The following EWSR1 variants were observed in gnomAD, a reference collection of about 807,000 sequenced individuals.
EWSR1 encodes the protein EWS RNA binding protein 1, also known as RNA-binding protein EWS.
In EWSR1, 14 loss-of-function variants were observed where a neutral mutation model predicts 92.1. The observed-to-expected ratio is 0.15, with a 90% CI of 0.10 to 0.24. The LOEUF is 0.24. Ranked by LOEUF, EWSR1 falls within the 10% of genes least tolerant of loss-of-function variation. The pLI is 1.00. For missense variants in EWSR1, 637 were observed against 870.9 expected, an observed-to-expected ratio of 0.73 and a Z score of 3.38; for synonymous variants, 303 against 292.9, an observed-to-expected ratio of 1.03 and a Z score of -0.35.
intron 6 of EWSR1, among the ~76,000 whole-genome samples, chr22:29,283,664 TACA>T (rs1236541773): frequency 6.7e-6 from 1 of 150,314 alleles, no homozygotes; most frequent in Non-Finnish European, 1.5e-5. Context: ...TAGCTGGGAT[TACA>T]AGTGCTCACT....
intron 4 of EWSR1, 89 bp from the exon 5 acceptor site, chr22:29,277,936 TTAAAG>T: frequency 1.8e-6 from 2 of 1,128,494 alleles, no homozygotes; most frequent in East Asian, 2.5e-5. Context: ...TCCTGATGGT[TTAAAG>T]TAAGTGGTTT....
chr22:29,285,767 A>G (rs1443904088), intron 6 of EWSR1, among the ~76,000 whole-genome samples: 3 of 151,540 alleles, frequency 2.0e-5, no homozygotes, highest in African/African-American at 7.4e-5. Context: ...CCCCAAGTGC[A>G]TATTCTTGCC....
intron 5 of EWSR1, among the ~76,000 whole-genome samples, chr22:29,279,881 G>A (rs768685512): frequency 1.8e-4 from 27 of 152,202 alleles, no homozygotes; most frequent in Non-Finnish European, 3.7e-4. Context: ...GTATATCCAA[G>A]CCATATCTGG....
chr22:29,269,848 C>T (rs1408069073), intron 1 of EWSR1, among the ~76,000 whole-genome samples: 4 of 152,232 alleles, frequency 2.6e-5, no homozygotes, highest in Admixed American at 6.5e-5. Context: ...TTTTGCGTGG[C>T]TGGACGTGCC....
intron 11 of EWSR1, among the ~76,000 whole-genome samples, chr22:29,293,261 C>CA (rs1309602801): frequency 6.6e-6 from 1 of 152,186 alleles, no homozygotes; most frequent in Non-Finnish European, 1.5e-5. Flanking sequence ...CCACCTACCT[C>CA]AGCCTCCCAA....
In EWSR1 at chr22:29,268,288, A is replaced by AT; in HGVS notation, c.-49_-48insT. 1 of 1,607,832 alleles carries AT rather than the reference A, an allele frequency of 6.2e-7. No homozygotes were observed. The highest frequency in any genetic ancestry group is 8.5e-7 in the Non-Finnish European group (1 of 1,174,386). On this transcript the variant is annotated 5_prime_UTR_variant, in exon 1 of 17. Transcript: ENST00000397938. ...CCTGCGCAGTGCGGCGCCTAGAGGGAAAGCGAGAGGGAGACGGACGTTGAG... is the reference window on the plus strand; with the variant it reads ...CCTGCGCAGTGCGGCGCCTAGAGGGATAAGCGAGAGGGAGACGGACGTTGAG...
Position 29,296,274 on chromosome 22 carries a change from C to T in EWSR1, c.1200C>T (p.Ile400=). Residue 400 remains isoleucine (I), a synonymous_variant, in exon 12 of 17, where the codon ATC becomes ATT. Coordinates refer to ENST00000397938, the MANE Select transcript of EWSR1 (RefSeq NM_005243.4). ...NKRTGQPMIH[I]YLDKETGKPK... ...GAACTGGGCAACCCATGATCCACAT[C>T]TACCTGGACAAGGAAACAGGAAAGC... 6.2e-7 allele frequency: 1 copy of T among 1,614,182 alleles called. No individual in the cohort carries two copies. Among genetic ancestry groups the T allele is most frequent in the Non-Finnish European group, 8.5e-7 (1 of 1,180,018 alleles).
intron 11 of EWSR1, among the ~76,000 whole-genome samples, chr22:29,295,222 C>A (rs1324851676): frequency 2.0e-4 from 31 of 151,934 alleles, no homozygotes. Flanking sequence ...AAAAAGACTG[C>A]TTTTTAATAT....
At chr22:29,276,122 C>T in intron 4 of EWSR1, 2 of 231,722 alleles carry the variant, frequency 8.6e-6, no homozygotes, top group Non-Finnish European at 1.7e-5. Flanking sequence ...TTGCCCTGAT[C>T]ACTTTTAGTT....
chr22:29,287,949 G>A (rs887137194), intron 7 of EWSR1, among the ~76,000 whole-genome samples: 1 of 152,162 alleles, frequency 6.6e-6, no homozygotes, highest in African/African-American at 2.4e-5. Context: ...GGCCAAGGCA[G>A]GAGGATCACT....
Position 29,272,226 on chromosome 22 carries a change from C to T in EWSR1, c.24C>T (p.Thr8=), listed in dbSNP as rs201792944. Reference sequence around the variant, plus strand: ...CTTGTTTTCCTCTAGATTACAGTACCTATAGCCAAGCTGCAGCGCAGCAGG... The same window carrying T: ...CTTGTTTTCCTCTAGATTACAGTACTTATAGCCAAGCTGCAGCGCAGCAGG... MASTDYS[T]YSQAAAQQGY... is the part of the protein sequence containing the mutation. Residue 8 remains threonine (T), a synonymous_variant, in exon 2 of 17, where the codon ACC becomes ACT. Coordinates refer to ENST00000397938, the MANE Select transcript of EWSR1 (RefSeq NM_005243.4). 1.2e-6 allele frequency: 2 copies of T among 1,614,024 alleles called. No homozygotes were observed. The highest frequency in any genetic ancestry group is 2.7e-5 in the African/African-American group (2 of 75,010).
At chr22:29,286,520 C>G (rs12159595) in intron 6 of EWSR1, among the ~76,000 whole-genome samples, 9 of 151,666 alleles carry the variant, frequency 5.9e-5, no homozygotes, top group Non-Finnish European at 1.3e-4. Context: ...AACCCTGTCT[C>G]TACTAAAAAC....
At chr22:29,280,862 GTTTTTTT>G (rs71196650) in intron 5 of EWSR1, among the ~76,000 whole-genome samples, 24,572 of 62,808 alleles carry the variant, frequency 0.39, 5,143 homozygotes, top group East Asian at 0.5. Context: ...TGTGTGTGTT[GTTTTTTT>G]TTTTTTTTTT....
At position 29,298,763 on chromosome 22, in the gene EWSR1, C is replaced by CCATGGGTCG; in HGVS notation, c.1455_1463dup (p.Arg486_Gly488dup). 1.2e-6 allele frequency: 2 copies of CCATGGGTCG among 1,613,622 alleles called. No homozygotes were observed. Among genetic ancestry groups the CCATGGGTCG allele is most frequent in the Non-Finnish European group, 1.7e-6 (2 of 1,179,896 alleles). ...GGAGGCCCAGGAGGTCCTGGGGGAC[C>CCATGGGTCG]CATGGGTCGCATGGGAGGCCGTGGA... On this transcript the variant is annotated inframe_insertion, in exon 14 of 17. Coordinates refer to ENST00000397938, the MANE Select transcript of EWSR1 (RefSeq NM_005243.4).
intron 16 of EWSR1, 55 bp downstream of exon 16, chr22:29,299,906 C>G: frequency 6.5e-7 from 1 of 1,532,234 alleles, no homozygotes; most frequent in South Asian, 1.3e-5. Flanking sequence ...GAGGACAGCC[C>G]TTCCCAGCTT....
intron 4 of EWSR1, chr22:29,277,554 A>G (rs998948897): frequency 5.2e-5 from 12 of 229,304 alleles, no homozygotes; most frequent in Non-Finnish European, 8.6e-5. Context: ...TAGTGCTAGA[A>G]CTAGTACCTG....
intron 11 of EWSR1, chr22:29,295,747 T>G: frequency 4.4e-6 from 1 of 226,274 alleles, no homozygotes; most frequent in Non-Finnish European, 8.8e-6. Flanking sequence ...CATCTGATAT[T>G]CAGCTGAAAG....
In EWSR1 at chr22:29,272,427, C is replaced by G. The variant is rs2058753269; in HGVS notation, c.98C>G (p.Thr33Ser). The change falls in exon 3 of 17, where the codon ACC becomes AGC. Residue 33 changes from threonine to serine, a missense_variant. This residue lies in a region of EWSR1 where 144 missense variants were observed against 189.0 expected (regional missense o/e 0.76). Coordinates refer to ENST00000397938, the MANE Select transcript of EWSR1 (RefSeq NM_005243.4). ...AQPTQGYAQT[T>S]QAYGQQSYGT... Reference sequence around the variant, plus strand: ...CCCACTCAAGGATATGCACAGACCACCCAGGTAATCTTTAAAATAATTACA... The same window carrying G: ...CCCACTCAAGGATATGCACAGACCAGCCAGGTAATCTTTAAAATAATTACA... The G allele has an allele frequency of 6.2e-7, 1 of 1,612,350 alleles. No individual in the cohort carries two copies. Among genetic ancestry groups the G allele is most frequent in the African/African-American group, 1.3e-5 (1 of 74,854 alleles).
rs1396731516 is a variant in EWSR1, at chr22:29,283,834, A to AGTTT, written c.581+1290_581+1293dup. Among the ~76,000 whole-genome samples the AGTTT allele has an allele frequency of 4.9e-5, 6 of 121,992 alleles. No individual in the cohort carries two copies. In the South Asian group the frequency reaches 7.8e-4, roughly 16 times the overall value. The allele number at this position is 121,992 out of a possible 152,430, so 80.0% of individuals were successfully genotyped here. The stretch of plus-strand genomic sequence containing the variant: ...CAGGCGCGAGCCCCTGCGCCCAGCC[A>AGTTT]GTTTGTTTGTTTGTTTTGAGATGGA... On this transcript the variant is annotated intron_variant, in intron 6 of 16. Transcript: ENST00000397938.
Sources: allele counts gnomAD v4.1 joint callset (sites outside exome capture counted in the v4.1 genomes callset), GRCh38; gene constraint gnomAD v4.1.1; regional missense constraint gnomAD v4.1.1; transcripts MANE v1.5; gene names NCBI Gene and HGNC (gene_info 2026-07-23, HGNC 2026-07-21).